The following ESRRG variants were observed in gnomAD, a reference collection of about 807,000 sequenced individuals.
ESRRG encodes estrogen related receptor gamma, also known as estrogen-related receptor gamma.
In ESRRG, 13 loss-of-function variants were observed where a neutral mutation model predicts 44.0. The observed-to-expected ratio is 0.30, with a 90% CI of 0.19 to 0.47. ESRRG has a LOEUF of 0.47. ESRRG is among the 20% of genes least tolerant of loss of function. ESRRG has a pLI of 1.00. For missense variants in ESRRG, 395 were observed against 580.6 expected, an observed-to-expected ratio of 0.68 and a Z score of 3.29; for synonymous variants, 215 against 214.6, an observed-to-expected ratio of 1.00 and a Z score of -0.02.
intron 1 of ESRRG, among the ~76,000 whole-genome samples, chr1:216,708,976 A>G (rs1197822616): frequency 6.6e-6 from 1 of 152,150 alleles, no homozygotes; most frequent in Admixed American, 6.6e-5. Context: ...CAGAAAACCA[A>G]ACACTGCATG....
intron 2 of ESRRG, among the ~76,000 whole-genome samples, chr1:216,879,214 G>C (rs2149295161): frequency 6.6e-6 from 1 of 152,266 alleles, no homozygotes; most frequent in East Asian, 1.9e-4. Context: ...TGGAGTTCAA[G>C]AGTTTACAGG....
intron 2 of ESRRG, among the ~76,000 whole-genome samples, chr1:216,905,951 A>G (rs554604043): frequency 2.6e-4 from 39 of 152,166 alleles, no homozygotes; most frequent in Non-Finnish European, 3.8e-4. Flanking sequence ...GGGTTTCACC[A>G]TATTGGCCAG....
chr1:217,102,033 C>T lies in ESRRG; in HGVS notation c.-230+35634G>A, dbSNP rs536191364. 2.4e-4 allele frequency among the ~76,000 whole-genome samples: 37 copies of T among 152,198 alleles called. 1 individual carries two copies. The highest frequency in any genetic ancestry group is 7.8e-4 in the East Asian group (4 of 5,158). ...GTTAGTCAGACTGGTCTCGAATTCCCGACCTCAGGTGATCCCCCCGCTTCG... is the reference window on the plus strand; with the variant it reads ...GTTAGTCAGACTGGTCTCGAATTCCTGACCTCAGGTGATCCCCCCGCTTCG... On this transcript the variant is annotated intron_variant, in intron 1 of 8. Transcript: ENST00000366940.
intron 1 of ESRRG, among the ~76,000 whole-genome samples, chr1:216,960,936 T>C (rs2068916843): frequency 6.6e-6 from 1 of 152,138 alleles, no homozygotes; most frequent in Non-Finnish European, 1.5e-5. Context: ...TTCATTGATT[T>C]TAATGCTCTA....
chr1:216,586,050 A>C (rs2063731044), intron 3 of ESRRG, among the ~76,000 whole-genome samples: 1 of 46,982 alleles, frequency 2.1e-5, no homozygotes, highest in African/African-American at 9.7e-5. Context: ...AAAATAAATA[A>C]ATTAATTAAT....
chr1:216,954,832 C>A (rs2067651983), intron 1 of ESRRG, among the ~76,000 whole-genome samples: 1 of 152,120 alleles, frequency 6.6e-6, no homozygotes, highest in African/African-American at 2.4e-5. Flanking sequence ...GTGAACTTAG[C>A]TGTTCATCTG....
At chr1:216,733,012 G>C (rs2089175156) in intron 2 of ESRRG, among the ~76,000 whole-genome samples, 1 of 150,792 alleles carries the variant, frequency 6.6e-6, no homozygotes, top group Admixed American at 6.6e-5. Context: ...AAGGAACCAA[G>C]AGACTTAAAG....
intron 1 of ESRRG, among the ~76,000 whole-genome samples, chr1:217,127,822 G>A (rs1481901715): frequency 6.6e-6 from 1 of 152,174 alleles, no homozygotes; most frequent in Non-Finnish European, 1.5e-5. Context: ...TAGAATGTAA[G>A]AGCTACGTTA....
At chr1:216,991,656 TGG>T in intron 1 of ESRRG, among the ~76,000 whole-genome samples, 2 of 77,350 alleles carry the variant, frequency 2.6e-5, no homozygotes, top group African/African-American at 4.6e-5. Flanking sequence ...TGGGATGGGA[TGG>T]GATGGGATGG....
intron 1 of ESRRG, among the ~76,000 whole-genome samples, chr1:217,135,629 C>G (rs1166598316): frequency 3.3e-5 from 5 of 152,124 alleles, no homozygotes; most frequent in Non-Finnish European, 7.4e-5. Context: ...AGGCGCGGAC[C>G]CACATTCACC....
chr1:216,865,581 G>C (rs750330525), intron 2 of ESRRG, among the ~76,000 whole-genome samples: 3 of 152,094 alleles, frequency 2.0e-5, no homozygotes, highest in Non-Finnish European at 4.4e-5. Flanking sequence ...AGTTAAAAGA[G>C]GGAAAAGGAG....
intron 3 of ESRRG, among the ~76,000 whole-genome samples, chr1:216,639,340 T>G (rs2065926408): frequency 6.6e-6 from 1 of 152,096 alleles, no homozygotes; most frequent in Non-Finnish European, 1.5e-5. Flanking sequence ...CTCCAAAACT[T>G]CTGTGTGCAG....
intron 2 of ESRRG, among the ~76,000 whole-genome samples, chr1:216,871,515 T>C (rs2096259304): frequency 1.3e-5 from 2 of 152,024 alleles, no homozygotes; most frequent in Non-Finnish European, 2.9e-5. Context: ...GTTCAGTTCT[T>C]CTATAGTCTT....
intron 5 of ESRRG, among the ~76,000 whole-genome samples, chr1:216,521,888 T>A (rs1441339734): frequency 2.6e-5 from 4 of 152,040 alleles, no homozygotes; most frequent in Admixed American, 6.6e-5. Flanking sequence ...CATGGAAGGA[T>A]CAATACGGAG....
At chr1:216,670,200 A>C (rs1222884790) in intron 2 of ESRRG, among the ~76,000 whole-genome samples, 1 of 152,228 alleles carries the variant, frequency 6.6e-6, no homozygotes, top group Admixed American at 6.5e-5. Context: ...CTATGGCTGA[A>C]AACATTCTAA....
intron 2 of ESRRG, among the ~76,000 whole-genome samples, chr1:216,770,940 C>T (rs1295123707): frequency 1.3e-5 from 2 of 152,058 alleles, no homozygotes; most frequent in African/African-American, 2.4e-5. Flanking sequence ...ACTAATTCAT[C>T]AAATATTCCT....
At chr1:216,588,851 G>T (rs576765994) in intron 3 of ESRRG, among the ~76,000 whole-genome samples, 1 of 152,122 alleles carries the variant, frequency 6.6e-6, no homozygotes, top group South Asian at 2.1e-4. Flanking sequence ...CAAAACAAGC[G>T]CTTTGGGAAT....
intron 1 of ESRRG, among the ~76,000 whole-genome samples, chr1:217,049,175 C>T (rs1234085932): frequency 6.6e-6 from 1 of 152,178 alleles, no homozygotes; most frequent in East Asian, 1.9e-4. Flanking sequence ...TGGAACTCAG[C>T]TATTTCTTTC....
rs2052388007 is a variant in ESRRG, at chr1:216,540,515, C to A, written c.863-21094G>T. ...ACTCACAAGAGCAACTTCTCTATAT[C>A]AGTCAATATTATGTTTAAAGTAATA... On this transcript the variant is annotated intron_variant, in intron 5 of 6. Transcript: ENST00000408911. Among the ~76,000 whole-genome samples, 4 of 151,934 alleles carry A rather than the reference C, an allele frequency of 2.6e-5. No individual in the cohort carries two copies. In the South Asian group the frequency reaches 8.3e-4, roughly 31 times the overall value.
Sources: gnomAD v4.1 joint callset for allele counts (sites outside exome capture counted in the v4.1 genomes callset) on GRCh38, gnomAD v4.1.1 for gene constraint, MANE v1.5 for transcripts, NCBI Gene and HGNC (gene_info 2026-07-23, HGNC 2026-07-21) for gene names.